Variants in PLEKHG1 observed in about 807,000 individuals in gnomAD.
The protein encoded by PLEKHG1 is pleckstrin homology domain-containing family G member 1.
Under a neutral mutation model 100.8 loss-of-function variants are expected in PLEKHG1, and 44 were observed. The observed-to-expected ratio is 0.44, with a 90% CI of 0.34 to 0.56. PLEKHG1 has a LOEUF of 0.56. Among genes scored for constraint, PLEKHG1 ranks in the 20% least tolerant of loss-of-function variants. The pLI is 0.01. For missense variants in PLEKHG1, 1,545 were observed against 1,720.9 expected (o/e 0.90, Z 1.81); for synonymous variants, 640 against 662.5 (o/e 0.97, Z 0.52).
At chr6:150,805,677 A>G (rs940643890) in intron 7 of PLEKHG1, among the ~76,000 whole-genome samples, 1 of 151,770 alleles carries the variant, frequency 6.6e-6, no homozygotes, top group African/African-American at 2.4e-5. Flanking sequence ...ACAGGGGCAT[A>G]CCACCACGCC....
intron 3 of PLEKHG1, among the ~76,000 whole-genome samples, chr6:150,698,056 C>G (rs1780618599): frequency 6.6e-6 from 1 of 152,030 alleles, no homozygotes; most frequent in African/African-American, 2.4e-5. Context: ...CTTGGGACCA[C>G]AAGTGTTTTG....
intron 10 of PLEKHG1, among the ~76,000 whole-genome samples, chr6:150,810,505 A>T (rs1429307820): frequency 1.3e-5 from 1 of 79,034 alleles, no homozygotes; most frequent in Non-Finnish European, 3.1e-5. Flanking sequence ...GGAGGGAAAG[A>T]AAGAAAGAAA....
At position 150,808,545 on chromosome 6, in the gene PLEKHG1, T is replaced by C. The variant is rs141715828; in HGVS notation, c.913-560T>C. 7.3e-3 allele frequency among the ~76,000 whole-genome samples: 1,105 copies of C among 151,494 alleles called. 14 individuals are homozygous for C. The highest frequency in any genetic ancestry group is 0.025 in the African/African-American group (1,039 of 41,276). On this transcript the variant is annotated intron_variant, in intron 7 of 15. Transcript: ENST00000358517. ...TGGGCAGATCACTTGAGGTCAGGAG[T>C]TGAAGACTAGCCTGGCCAACATGGC...
exon 16 of PLEKHG1, chr6:150,840,361 T>A: frequency 6.2e-7 from 1 of 1,614,220 alleles, no homozygotes; most frequent in East Asian, 2.2e-5. Context: ...CAGCAGCTGC[T>A]GTCTTTACAC....
At chr6:150,840,849 T>G (rs1343768441) in exon 16 of PLEKHG1, 1 of 1,613,176 alleles carries the variant, frequency 6.2e-7, no homozygotes, top group Non-Finnish European at 8.5e-7. Context: ...TATTGTCCAG[T>G]CTCTAAGGGA....
At chr6:150,769,584 CAAAAAAAA>C in intron 3 of PLEKHG1, among the ~76,000 whole-genome samples, 1 of 64,340 alleles carries the variant, frequency 1.6e-5, no homozygotes, top group African/African-American at 5.1e-5. Flanking sequence ...GACTCCATCT[CAAAAAAAA>C]AAAAAAAAAA....
chr6:150,832,040 T>C (rs1294936918), exon 15 of PLEKHG1: 5 of 1,614,002 alleles, frequency 3.1e-6, no homozygotes, highest in Non-Finnish European at 4.2e-6. Context: ...AAGCAGGGTG[T>C]TTATGATGGC....
chr6:150,641,302 T>C (rs1206296151), intron 2 of PLEKHG1, among the ~76,000 whole-genome samples: 1 of 152,216 alleles, frequency 6.6e-6, no homozygotes, highest in Non-Finnish European at 1.5e-5. Flanking sequence ...CCTGATGGTT[T>C]CTGTGAAGGA....
intron 3 of PLEKHG1, among the ~76,000 whole-genome samples, chr6:150,651,363 A>G (rs1778723342): frequency 6.6e-6 from 1 of 151,916 alleles, no homozygotes; most frequent in Non-Finnish European, 1.5e-5. Context: ...CCTCCGGAGT[A>G]GTTGGGATAA....
At chr6:150,776,005 C>T (rs1323972042) in intron 3 of PLEKHG1, among the ~76,000 whole-genome samples, 1 of 151,946 alleles carries the variant, frequency 6.6e-6, no homozygotes, top group African/African-American at 2.4e-5. Flanking sequence ...CTGCTCAGAC[C>T]GGAAGGGGAG....
chr6:150,839,708 T>C, intron 15 of PLEKHG1, 125 bp from the exon 17 acceptor site: 1 of 627,080 alleles, frequency 1.6e-6, no homozygotes. Context: ...TCCTTAGACA[T>C]CAGTTAGTCT....
intron 7 of PLEKHG1, 47 bp from the exon 9 acceptor site, chr6:150,809,058 C>T: frequency 1.3e-6 from 2 of 1,549,738 alleles, no homozygotes; most frequent in Non-Finnish European, 1.8e-6. Flanking sequence ...GCCCTTGGTG[C>T]CTGGCTTCTG....
intron 10 of PLEKHG1, among the ~76,000 whole-genome samples, chr6:150,816,260 A>G (rs1057420378): frequency 5.3e-5 from 8 of 150,318 alleles, no homozygotes; most frequent in African/African-American, 1.7e-4. Flanking sequence ...CTTTTGTGGC[A>G]ATCTCAGGAT....
chr6:150,664,179 A>T (rs944786846), intron 3 of PLEKHG1: 6 of 152,200 alleles, frequency 3.9e-5, no homozygotes, highest in African/African-American at 1.4e-4. Context: ...CTAGCCACAA[A>T]TGGAATAAGA....
intron 12 of PLEKHG1, among the ~76,000 whole-genome samples, chr6:150,820,729 T>G (rs1258392273): frequency 6.6e-6 from 1 of 151,708 alleles, no homozygotes; most frequent in Non-Finnish European, 1.5e-5. Context: ...GCCTGGCATG[T>G]TGGCAGATAC....
At chr6:150,789,976 G>T (rs976746313) in intron 4 of PLEKHG1, among the ~76,000 whole-genome samples, 1 of 152,254 alleles carries the variant, frequency 6.6e-6, no homozygotes, top group Non-Finnish European at 1.5e-5. Flanking sequence ...GCAGGCCCAG[G>T]GCTGGTGGGT....
At chr6:150,639,532 A>G (rs1313523459) in intron 2 of PLEKHG1, among the ~76,000 whole-genome samples, 1 of 152,036 alleles carries the variant, frequency 6.6e-6, no homozygotes, top group African/African-American at 2.4e-5. Context: ...CCTTTAACAA[A>G]TCTGTTCCTA....
chr6:150,809,200 G>A (rs1402078804), exon 8 of PLEKHG1: 2 of 1,613,612 alleles, frequency 1.2e-6, no homozygotes, highest in East Asian at 4.5e-5. Flanking sequence ...AGCGAGCCAA[G>A]AATGAGCGGA....
intron 3 of PLEKHG1, among the ~76,000 whole-genome samples, chr6:150,664,910 C>T (rs1779338636): frequency 6.6e-6 from 1 of 152,142 alleles, no homozygotes; most frequent in African/African-American, 2.4e-5. Flanking sequence ...GCTTTCCATT[C>T]CTTTGTCTTT....
Sources: allele counts gnomAD v4.1 joint callset (sites outside exome capture counted in the v4.1 genomes callset), GRCh38; gene constraint gnomAD v4.1.1; transcripts MANE v1.5; gene names NCBI Gene and HGNC (gene_info 2026-07-23, HGNC 2026-07-21).